CSTPP1: variants seen among roughly 807,000 people sequenced by gnomAD.
CSTPP1 encodes the protein UPF0705 protein C11orf49.
the CSTPP1 span, among the ~76,000 whole-genome samples, chr11:47,127,412 G>A: frequency 2.0e-5 from 3 of 152,186 alleles, no homozygotes; most frequent in African/African-American, 4.8e-5. Context: ...GGAAAGTGGC[G>A]CACCTGCCTT....
the CSTPP1 span, among the ~76,000 whole-genome samples, chr11:47,066,670 C>T: frequency 6.6e-6 from 1 of 152,146 alleles, no homozygotes; most frequent in Non-Finnish European, 1.5e-5. Context: ...GGTATGAAAG[C>T]GTTCAGCTAG....
At chr11:47,065,003 A>T in the CSTPP1 span, among the ~76,000 whole-genome samples, 1 of 152,160 alleles carries the variant, frequency 6.6e-6, no homozygotes, top group Non-Finnish European at 1.5e-5. Flanking sequence ...CGGCCTCCCA[A>T]AGTGCTGGGA....
the CSTPP1 span, among the ~76,000 whole-genome samples, chr11:47,102,369 T>A: frequency 1.3e-5 from 2 of 152,030 alleles, no homozygotes; most frequent in Non-Finnish European, 2.9e-5. Flanking sequence ...GAATGTTAGG[T>A]TCAATCCTGA....
chr11:47,122,069 CAAAAAA>C, the CSTPP1 span, among the ~76,000 whole-genome samples: 970 of 21,910 alleles, frequency 0.044, 13 homozygotes, highest in Non-Finnish European at 0.061. Flanking sequence ...GACCCTGTCT[CAAAAAA>C]AAAAAAAAAA....
chr11:46,975,556 C>A, the CSTPP1 span, among the ~76,000 whole-genome samples: 1 of 152,096 alleles, frequency 6.6e-6, no homozygotes, highest in African/African-American at 2.4e-5. Context: ...TTTACTTTAG[C>A]TTTTCTCGTC....
chr11:47,132,652 T>G, the CSTPP1 span, among the ~76,000 whole-genome samples: 1 of 152,210 alleles, frequency 6.6e-6, no homozygotes, highest in Non-Finnish European at 1.5e-5. Context: ...AAGTCAGAGT[T>G]CTGCACTAAT....
the CSTPP1 span, among the ~76,000 whole-genome samples, chr11:47,056,940 C>T: frequency 6.6e-6 from 1 of 152,158 alleles, no homozygotes; most frequent in Non-Finnish European, 1.5e-5. Context: ...AGTAACTCTT[C>T]TGGGAGGTAG....
chr11:47,022,329 A>T, the CSTPP1 span, among the ~76,000 whole-genome samples: 1 of 136,788 alleles, frequency 7.3e-6, no homozygotes, highest in African/African-American at 2.7e-5. Flanking sequence ...ATTTCTTCAT[A>T]CTATTTTCTT....
chr11:46,980,856 A>C, the CSTPP1 span, among the ~76,000 whole-genome samples: 2 of 152,314 alleles, frequency 1.3e-5, no homozygotes, highest in South Asian at 2.1e-4. Flanking sequence ...AATCAAGAAA[A>C]GTAAAATTAA....
At chr11:47,000,500 T>C in the CSTPP1 span, among the ~76,000 whole-genome samples, 1 of 152,182 alleles carries the variant, frequency 6.6e-6, no homozygotes, top group Non-Finnish European at 1.5e-5. Flanking sequence ...TCAAGTGTCT[T>C]GTTTTCGTTT....
At chr11:46,969,675 G>A in the CSTPP1 span, among the ~76,000 whole-genome samples, 1 of 152,244 alleles carries the variant, frequency 6.6e-6, no homozygotes, top group Admixed American at 6.5e-5. Context: ...ACAATGGACT[G>A]TTATTCTGTA....
the CSTPP1 span, among the ~76,000 whole-genome samples, chr11:47,087,185 C>T: frequency 1.3e-5 from 2 of 151,968 alleles, no homozygotes; most frequent in African/African-American, 4.8e-5. Flanking sequence ...TGCATAAGAG[C>T]ATTGATAGCA....
At chr11:47,022,439 G>A in the CSTPP1 span, among the ~76,000 whole-genome samples, 7 of 122,004 alleles carry the variant, frequency 5.7e-5, no homozygotes, top group South Asian at 8.5e-4. Flanking sequence ...GTGTGATCTC[G>A]GTTCACTGCA....
the CSTPP1 span, among the ~76,000 whole-genome samples, chr11:47,022,720 T>A: frequency 6.6e-6 from 1 of 152,154 alleles, no homozygotes; most frequent in African/African-American, 2.4e-5. Flanking sequence ...CTGGAAAATA[T>A]TGATTTTCTA....
the CSTPP1 span, among the ~76,000 whole-genome samples, chr11:47,151,622 G>C: frequency 6.6e-6 from 1 of 151,536 alleles, no homozygotes; most frequent in African/African-American, 2.4e-5. Flanking sequence ...AGGATGTCTA[G>C]TATGCCCAGC....
chr11:46,986,436 T>C, the CSTPP1 span, among the ~76,000 whole-genome samples: 2 of 152,122 alleles, frequency 1.3e-5, no homozygotes, highest in South Asian at 2.1e-4. Flanking sequence ...TTTTTTTTTT[T>C]TTCTAATTTA....
At chr11:46,942,220 C>G in the CSTPP1 span, among the ~76,000 whole-genome samples, 1 of 152,156 alleles carries the variant, frequency 6.6e-6, no homozygotes, top group African/African-American at 2.4e-5. Context: ...AAAGGAGAGT[C>G]TGGTAAGGAG....
chr11:47,046,851 A>G, the CSTPP1 span, among the ~76,000 whole-genome samples: 3 of 148,846 alleles, frequency 2.0e-5, no homozygotes, highest in African/African-American at 7.4e-5. Context: ...TTTTTAGTAG[A>G]GATGGGGTTT....
the CSTPP1 span, among the ~76,000 whole-genome samples, chr11:47,017,667 CTT>C: frequency 0.53 from 69,989 of 132,962 alleles, 18,322 homozygotes; most frequent in Non-Finnish European, 0.63. Flanking sequence ...AATATATAAA[CTT>C]TTTTTTTTTT....
Sources: gnomAD v4.1 joint callset for allele counts (sites outside exome capture counted in the v4.1 genomes callset) on GRCh38, gnomAD v4.1.1 for gene constraint, MANE v1.5 for transcripts, NCBI Gene and HGNC (gene_info 2026-07-23, HGNC 2026-07-21) for gene names.